The following PLOD1 variants were observed in gnomAD, a reference collection of about 807,000 sequenced individuals.
The protein encoded by PLOD1 is lysine hydroxylase.
Under a neutral mutation model 94.7 loss-of-function variants are expected in PLOD1, and 70 were observed. That is an observed-to-expected ratio of 0.74 (90% CI 0.61 to 0.90). PLOD1 has a LOEUF of 0.90. Among genes scored for constraint, PLOD1 ranks in the 40% least tolerant of loss-of-function variants. PLOD1 has a pLI of 0.00. For missense variants in PLOD1, 905 were observed against 972.7 expected (o/e 0.93, Z 0.93); for synonymous variants, 417 against 400.2 (o/e 1.04, Z -0.50).
chr1:11,970,891 G>A, intron 17 of PLOD1, 75 bp downstream of exon 17: 1 of 1,454,120 alleles, frequency 6.9e-7, no homozygotes, highest in Non-Finnish European at 9.4e-7. Flanking sequence ...GGGACTGGTG[G>A]GGGTAGGGTG....
At chr1:11,964,842 G>A (rs1645804755) in intron 13 of PLOD1, 57 bp downstream of exon 13, 4 of 1,587,232 alleles carry the variant, frequency 2.5e-6, no homozygotes, top group African/African-American at 1.3e-5. Context: ...CGGGAAGGTG[G>A]GCCTCCAGCT....
At chr1:11,971,125 C>G (rs1004407563) in intron 17 of PLOD1, among the ~76,000 whole-genome samples, 1 of 63,016 alleles carries the variant, frequency 1.6e-5, no homozygotes, top group Non-Finnish European at 3.1e-5. Context: ...GGCGGGGGGG[C>G]AGGGGTGAGG....
intron 1 of PLOD1, 99 bp downstream of exon 1, chr1:11,934,954 G>A: frequency 1.4e-6 from 2 of 1,393,774 alleles, no homozygotes; most frequent in Non-Finnish European, 9.5e-7. Context: ...GGCCTGGGCT[G>A]GAGAGGGAGT....
At chr1:11,967,711 GA>G (rs1368125629) in intron 16 of PLOD1, among the ~76,000 whole-genome samples, 1 of 137,736 alleles carries the variant, frequency 7.3e-6, no homozygotes, top group Non-Finnish European at 1.5e-5. Flanking sequence ...GGCTGGTTGT[GA>G]ACCAGGCACA....
chr1:11,970,721 A>G lies in PLOD1; in HGVS notation c.1807A>G (p.Met603Val), dbSNP rs890239741. The change falls in exon 17 of 19, where the codon ATG (methionine) becomes GTG (valine). Residue 603 changes from methionine to valine, a missense_variant. Coordinates refer to ENST00000196061, the MANE Select transcript of PLOD1 (RefSeq NM_000302.4). ...GAACGTGCCGACTATTGACATCCAC[A>G]TGAACCAGATCGGCTTTGAGCGGGA... is the stretch of plus-strand genomic sequence containing the variant. ...YENVPTIDIH[M>V]NQIGFEREWH... 1 of 1,612,830 alleles carries G rather than the reference A, an allele frequency of 6.2e-7. No homozygotes were observed. The highest frequency in any genetic ancestry group is 8.5e-7 in the Non-Finnish European group (1 of 1,179,848).
intron 4 of PLOD1, among the ~76,000 whole-genome samples, chr1:11,952,386 G>A (rs983293401): frequency 6.6e-6 from 1 of 152,224 alleles, no homozygotes; most frequent in African/African-American, 2.4e-5. Flanking sequence ...AGCTTAGTGG[G>A]CACCATTGGT....
At chr1:11,964,135 G>A in intron 11 of PLOD1, 40 bp from the exon 12 acceptor site, 2 of 1,610,810 alleles carry the variant, frequency 1.2e-6, no homozygotes, top group Non-Finnish European at 1.7e-6. Flanking sequence ...CCTACTCCCA[G>A]TGGGCAGCGA....
In PLOD1 at chr1:11,965,535, A is replaced by T. The variant is rs894244127; in HGVS notation, c.1526A>T (p.Asp509Val). ...RHTLGHLLSL[D>V]SYRTTHLHND... ...ACCCTTGGCCATCTGCTCTCCCTAGACAGCTACCGCACCACCCACCTGCAC... is the reference window on the plus strand; with the variant it reads ...ACCCTTGGCCATCTGCTCTCCCTAGTCAGCTACCGCACCACCCACCTGCAC... Residue 509 changes from aspartate (D) to valine (V), a missense_variant, in exon 14 of 19, where the codon GAC (aspartate) becomes GTC (valine). Transcript: ENST00000196061. 1.2e-6 allele frequency: 2 copies of T among 1,613,738 alleles called. No homozygotes were observed. The highest frequency in any genetic ancestry group is 1.7e-6 in the Non-Finnish European group (2 of 1,179,946).
At chr1:11,938,015 C>G (rs954044800) in intron 1 of PLOD1, among the ~76,000 whole-genome samples, 1 of 150,160 alleles carries the variant, frequency 6.7e-6, no homozygotes, top group African/African-American at 2.5e-5. Flanking sequence ...TGCAGTGGCA[C>G]GATCTCAGCG....
At chr1:11,967,597 G>GTGTGTATATATATATATATATATA (rs1391982281) in intron 16 of PLOD1, among the ~76,000 whole-genome samples, 2 of 59,778 alleles carry the variant, frequency 3.3e-5, no homozygotes, top group East Asian at 7.6e-4. Context: ...GTGTGTGTGT[G>GTGTGTATATATATATATATATATA]TATATATATA....
rs770695057 is a variant in PLOD1, at chr1:11,960,719, T to C, written c.1049T>C (p.Val350Ala). The C allele has an allele frequency of 4.3e-6, 7 of 1,613,482 alleles. No homozygotes were observed. Among genetic ancestry groups the C allele is most frequent in the South Asian group, 2.2e-5 (2 of 91,048 alleles). Reference sequence around the variant, plus strand: ...AGCGAGTACCAGTCTGTGAAGCTGGTGGGCCCTGAGGTGCGGATGGCGAAT... The same window carrying C: ...AGCGAGTACCAGTCTGTGAAGCTGGCGGGCCCTGAGGTGCGGATGGCGAAT... The part of the protein sequence containing the change: ...HGSEYQSVKL[V>A]GPEVRMANAD... Residue 350 changes from valine to alanine, a missense_variant, in exon 10 of 19, where the codon GTG becomes GCG. Physicochemically the swap from Val to Ala is moderately conservative, Grantham distance 64. Transcript: ENST00000196061.
chr1:11,967,976 C>T (rs1645833755), intron 16 of PLOD1, among the ~76,000 whole-genome samples: 1 of 148,070 alleles, frequency 6.8e-6, no homozygotes, highest in Non-Finnish European at 1.5e-5. Flanking sequence ...TTTTTTAAGG[C>T]AGTGTCTCGT....
intron 4 of PLOD1, 65 bp downstream of exon 4, chr1:11,950,585 C>T (rs1569689061): frequency 2.0e-6 from 3 of 1,497,374 alleles, no homozygotes; most frequent in South Asian, 2.3e-5. Context: ...TTTGTGGGGA[C>T]CCCCCTTGTT....
chr1:11,965,859 G>A (rs1040708736), intron 14 of PLOD1, among the ~76,000 whole-genome samples: 2 of 152,160 alleles, frequency 1.3e-5, no homozygotes, highest in African/African-American at 4.8e-5. Context: ...GGACTTAGTT[G>A]AGCCTTCCAG....
intron 11 of PLOD1, 146 bp from the exon 12 acceptor site, chr1:11,964,029 C>A (rs757837653): frequency 1.6e-5 from 14 of 879,940 alleles, no homozygotes; most frequent in Non-Finnish European, 2.7e-5. Flanking sequence ...CCCGACACCC[C>A]GGCCAAGGCA....
chr1:11,972,931 G>A lies in PLOD1; in HGVS notation c.1962G>A (p.Met654Ile), dbSNP rs3177759. The A allele has an allele frequency of 1.2e-6, 2 of 1,613,996 alleles. No individual in the cohort carries two copies. The highest frequency in any genetic ancestry group is 1.7e-6 in the Non-Finnish European group (2 of 1,179,994). Residue 654 changes from methionine to isoleucine, a missense_variant, in exon 18 of 19, where the codon ATG becomes ATA. Transcript: ENST00000196061. The surrounding 1 kb of genome is among the most constrained non-coding windows in gnomAD (Gnocchi z 4.6). ...RYKPDEQPSL[M>I]PHHDASTFTI... ...AGCCTGATGAGCAGCCCTCACTGAT[G>A]CCACACCATGATGCCTCCACCTTCA...
At chr1:11,966,114 G>A (rs560175352) in intron 14 of PLOD1, 137 bp from the exon 15 acceptor site, 29 of 719,962 alleles carry the variant, frequency 4.0e-5, no homozygotes, top group South Asian at 1.6e-4. Context: ...CAACACACAC[G>A]CACCCAGTGG....
intron 5 of PLOD1, 136 bp from the exon 6 acceptor site, chr1:11,954,694 C>T: frequency 1.3e-6 from 1 of 794,966 alleles, no homozygotes; most frequent in Non-Finnish European, 2.3e-6. Flanking sequence ...ACCTAGCTGC[C>T]CTGATGTGAC....
rs1252431057 is a variant in PLOD1, at chr1:11,934,753, C to T, written c.-27C>T. 8 of 1,522,780 alleles carry T rather than the reference C, an allele frequency of 5.3e-6. No homozygotes were observed. The highest frequency in any genetic ancestry group is 4.4e-6 in the Non-Finnish European group (5 of 1,141,308). The allele number at this position is 1,522,780 out of a possible 1,614,324, so 94.3% of individuals were successfully genotyped here. On this transcript the variant is annotated 5_prime_UTR_variant, in exon 1 of 19. Coordinates refer to ENST00000196061, the MANE Select transcript of PLOD1 (RefSeq NM_000302.4). ...TCCAGCCCTGCGAGCGCCGCCGGGT[C>T]GGCCGATCGTCCCCCATACCTCGGC...
Sources: gnomAD v4.1 joint callset for allele counts (sites outside exome capture counted in the v4.1 genomes callset) on GRCh38, gnomAD v4.1.1 for gene constraint, Gnocchi (gnomAD v3.1) non-coding constraint, MANE v1.5 for transcripts, NCBI Gene and HGNC (gene_info 2026-07-23, HGNC 2026-07-21) for gene names.